Variants in DDR1 observed in about 807,000 individuals in gnomAD.
DDR1 encodes the protein epithelial discoidin domain-containing receptor 1.
A neutral mutation model predicts 97.4 loss-of-function variants in DDR1; 64 were observed. The ratio of observed to expected loss-of-function variants is 0.66; its 90% CI spans 0.54 to 0.81. The LOEUF (loss-of-function observed/expected upper bound fraction) is 0.81. Among genes scored for constraint, DDR1 ranks in the 30% least tolerant of loss-of-function variants. DDR1 has a pLI of 0.00. For missense variants in DDR1, 990 were observed against 1,259.6 expected (o/e 0.79, Z 3.24); for synonymous variants, 458 against 503.7 (o/e 0.91, Z 1.21).
Position 30,897,558 on chromosome 6 carries a change from C to A in DDR1, c.2177C>A (p.Ala726Asp). 3 of 1,613,452 alleles carry A rather than the reference C, an allele frequency of 1.9e-6. No individual in the cohort carries two copies. The highest frequency in any genetic ancestry group is 2.5e-6 in the Non-Finnish European group (3 of 1,179,972). Residue 726 changes from alanine (A) to aspartate (D), a missense_variant, in exon 15 of 18, where the codon GCC (alanine) becomes GAC (aspartate). Ala to Asp is a moderately radical substitution (Grantham distance 126). Coordinates refer to ENST00000376568, the MANE Select transcript of DDR1 (RefSeq NM_001297654.2). The surrounding 1 kb of genome is among the most constrained non-coding windows in gnomAD (Gnocchi z 5.2). ...HQLEDKAAEG[A>D]PGDGQAAQGP... ...CTGGAGGACAAGGCAGCCGAGGGGG[C>A]CCCTGGGGACGGGCAGGCTGCGCAG...
upstream of DDR1, chr6:30,884,350 C>G (rs1418708671): frequency 1.7e-5 from 2 of 115,294 alleles, no homozygotes; most frequent in Non-Finnish European, 3.5e-5. This position sits in a 1 kb window ranked among gnomAD's most constrained non-coding sequence, Gnocchi z 6.1. Context: ...CGGCGCCGGG[C>G]GTGGGAGCCA....
Position 30,892,656 on chromosome 6 carries a change from A to G in DDR1, c.1099+114A>G, listed in dbSNP as rs1788960999. On this transcript the variant is annotated intron_variant, in intron 8 of 17. Transcript: ENST00000376568. Reference sequence around the variant, plus strand: ...CTTGCATTATATCTACCCATCACCCACCGAAACTTCTCAATTAGGGGTGCC... The same window carrying G: ...CTTGCATTATATCTACCCATCACCCGCCGAAACTTCTCAATTAGGGGTGCC... The G allele has an allele frequency of 4.3e-6, 6 of 1,396,690 alleles. No homozygotes were observed. In the East Asian group the frequency reaches 1.2e-4, roughly 28 times the overall value. The allele number at this position is 1,396,690 out of a possible 1,614,324, so 86.5% of individuals were successfully genotyped here. A position where few individuals can be genotyped will look rare whatever the true frequency, so the allele number is the denominator to read the frequency against.
chr6:30,898,898 C>A lies in DDR1; in HGVS notation c.2462C>A (p.Thr821Lys). The change falls in exon 17 of 18, where the codon ACG (threonine) becomes AAG (lysine). Residue 821 changes from threonine (T) to lysine (K), a missense_variant. Thr to Lys is a moderately conservative substitution (Grantham distance 78, BLOSUM62 -1). Transcript: ENST00000376568. ...TTCTCTGCATCCCAGGGGAAGTTCA[C>A]GACTGCGAGTGACGTGTGGGCCTTT... ...AWECILMGKF[T>K]TASDVWAFGV... 6.2e-7 allele frequency: 1 copy of A among 1,606,430 alleles called. No individual in the cohort carries two copies. Among genetic ancestry groups the A allele is most frequent in the Non-Finnish European group, 8.5e-7 (1 of 1,173,900 alleles).
At position 30,892,556 on chromosome 6, in the gene DDR1, T is replaced by C. The variant is rs775047864; in HGVS notation, c.1099+14T>C. On this transcript the variant is annotated intron_variant, in intron 8 of 17. Coordinates refer to ENST00000376568, the MANE Select transcript of DDR1 (RefSeq NM_001297654.2). The stretch of plus-strand genomic sequence containing the variant: ...CCTTCATCTCTGGTAAGCCCTGGAG[T>C]AGCCCAGTCTCCAGTCCCTGAAATT... 6.4e-6 allele frequency: 10 copies of C among 1,554,876 alleles called. No homozygotes were observed. In the African/African-American group the frequency reaches 6.8e-5, roughly 11 times the overall value.
At chr6:30,895,332 C>A in intron 11 of DDR1, 72 bp from the exon 12 acceptor site, 3 of 1,177,734 alleles carry the variant, frequency 2.5e-6, no homozygotes, top group Non-Finnish European at 3.7e-6. Flanking sequence ...TTGCCCTATT[C>A]AAGGTCTCCC....
chr6:30,896,654 C>T lies in DDR1; in HGVS notation c.1658C>T (p.Pro553Leu). Residue 553 changes from proline to leucine, a missense_variant, in exon 13 of 18, where the codon CCA becomes CTA. Pro to Leu is a moderately conservative substitution (Grantham distance 98). Coordinates refer to ENST00000376568, the MANE Select transcript of DDR1 (RefSeq NM_001297654.2). ...GGGGACTATATGGAGCCTGAGAAGC[C>T]AGGCGCCCCGCTTCTGCCCCCACCT... Reference protein sequence around the residue: ...YSGDYMEPEKPGAPLLPPPPQ... With the variant: ...YSGDYMEPEKLGAPLLPPPPQ... The T allele has an allele frequency of 6.2e-7, 1 of 1,613,582 alleles. No homozygotes were observed. Among genetic ancestry groups the T allele is most frequent in the African/African-American group, 1.3e-5 (1 of 75,012 alleles).
chr6:30,886,045 A>G lies in DDR1; in HGVS notation c.-43+1335A>G, dbSNP rs575698021. Among the ~76,000 whole-genome samples the G allele has an allele frequency of 1.3e-5, 2 of 152,178 alleles. No individual in the cohort carries two copies. The highest frequency in any genetic ancestry group is 6.5e-5 in the Admixed American group (1 of 15,288). ...TGGACTGAAGACCCAGTGGAGAGAG[A>G]TGAGGTGACTGGGGGTGTTGGAGAA... On this transcript the variant is annotated intron_variant, in intron 1 of 17. Transcript: ENST00000376568. The surrounding 1 kb of genome is among the most constrained non-coding windows in gnomAD (Gnocchi z 4.6).
Position 30,894,768 on chromosome 6 carries a change from T to C in DDR1, c.1513+97T>C. On this transcript the variant is annotated intron_variant, in intron 11 of 17. Transcript: ENST00000376568. The surrounding 1 kb of genome is among the most constrained non-coding windows in gnomAD (Gnocchi z 5.7). ...TCTTTTTTTCCTGTCTTCCCCAGTT[T>C]CCACTTGTTTTCTTCTTTCTGTGCC... 2 of 1,356,068 alleles carry C rather than the reference T, an allele frequency of 1.5e-6. No individual in the cohort carries two copies. Among genetic ancestry groups the C allele is most frequent in the South Asian group, 1.5e-5 (1 of 66,162 alleles). The allele number at this position is 1,356,068 out of a possible 1,614,324, so 84.0% of individuals were successfully genotyped here.
Position 30,898,118 on chromosome 6 carries a change from G to A in DDR1, c.2262G>A (p.Met754Ile). Residue 754 changes from methionine to isoleucine, a missense_variant, in exon 16 of 18, where the codon ATG (methionine) becomes ATA (isoleucine). Met to Ile is a conservative substitution (Grantham distance 10). Coordinates refer to ENST00000376568, the MANE Select transcript of DDR1 (RefSeq NM_001297654.2). ...LHVAAQIASG[M>I]RYLATLNFVH... ...TGGCAGCCCAGATCGCCTCCGGCAT[G>A]CGCTATCTGGCCACACTCAACTTTG... is the stretch of plus-strand genomic sequence containing the variant. The A allele has an allele frequency of 6.2e-7, 1 of 1,614,272 alleles. No individual in the cohort carries two copies. Among genetic ancestry groups the A allele is most frequent in the Non-Finnish European group, 8.5e-7 (1 of 1,180,046 alleles).
In DDR1 at chr6:30,889,306, C is replaced by T; in HGVS notation, c.293C>T (p.Ala98Val). The change falls in exon 4 of 18, where the codon GCT becomes GTT. Residue 98 changes from alanine to valine, a missense_variant. Transcript: ENST00000376568. This position sits in a 1 kb window ranked among gnomAD's most constrained non-coding sequence, Gnocchi z 4.9. ...GATCTACAACGACTGCACCTGGTGG[C>T]TCTGGTGGGCACCCAGGGACGGCAT... ...QVDLQRLHLV[A>V]LVGTQGRHAG... The T allele has an allele frequency of 5.6e-6, 9 of 1,612,920 alleles. No individual in the cohort carries two copies. Among genetic ancestry groups the T allele is most frequent in the Non-Finnish European group, 7.6e-6 (9 of 1,179,972 alleles).
chr6:30,895,383 CCCT>C lies in DDR1; in HGVS notation c.1514-14_1514-12del. 2.5e-6 allele frequency: 4 copies of C among 1,588,462 alleles called. No individual in the cohort carries two copies. The highest frequency in any genetic ancestry group is 3.4e-6 in the Non-Finnish European group (4 of 1,162,536). On this transcript the variant is annotated intron_variant, in intron 11 of 17. Coordinates refer to ENST00000376568, the MANE Select transcript of DDR1 (RefSeq NM_001297654.2). ...GAGTCTCATCCCTTCCCCGTGTTTC[CCCT>C]CCTCCTTCTCCCGACAGCGTTGCTG...
Position 30,899,576 on chromosome 6 carries a change from T to G in DDR1, c.*280T>G. Reference sequence around the variant, plus strand: ...GGATGGGATCCTCTCCACCCTCCTCTAGCCATCCCTTGGGGAAGGGTGGGG... The same window carrying G: ...GGATGGGATCCTCTCCACCCTCCTCGAGCCATCCCTTGGGGAAGGGTGGGG... On this transcript the variant is annotated 3_prime_UTR_variant, in exon 18 of 18. Coordinates refer to ENST00000376568, the MANE Select transcript of DDR1 (RefSeq NM_001297654.2). 1 of 516,504 alleles carries G rather than the reference T, an allele frequency of 1.9e-6. No individual in the cohort carries two copies. The highest frequency in any genetic ancestry group is 3.4e-6 in the Non-Finnish European group (1 of 291,846). The allele number at this position is 516,504 out of a possible 1,614,324, so 32.0% of individuals were successfully genotyped here.
rs1272168036 is a variant in DDR1 at position 30,896,675 on chromosome 6, C to T, written c.1679C>T (p.Pro560Leu). 6 of 1,613,120 alleles carry T rather than the reference C, an allele frequency of 3.7e-6. No homozygotes were observed. The highest frequency in any genetic ancestry group is 1.3e-5 in the African/African-American group (1 of 74,868). The change falls in exon 13 of 18, where the codon CCA (proline) becomes CTA (leucine). Residue 560 changes from proline to leucine, a missense_variant. Physicochemically the swap from Pro to Leu is moderately conservative, Grantham distance 98. Transcript: ENST00000376568. The stretch of plus-strand genomic sequence containing the variant: ...AAGCCAGGCGCCCCGCTTCTGCCCC[C>T]ACCTCCCCAGAACAGCGTCCCCCAT... ...PEKPGAPLLP[P>L]PPQNSVPHYA...
In DDR1 at chr6:30,886,223, C is replaced by G. The variant is rs1193286647; in HGVS notation, c.-43+1513C>G. On this transcript the variant is annotated intron_variant, in intron 1 of 17. Transcript: ENST00000376568. The surrounding 1 kb of genome is among the most constrained non-coding windows in gnomAD (Gnocchi z 4.6). ...TCTGCCTGCCTTTGTATCTCTGCCCCGGGCTCCTCTCGGCTCTGTGTGGCT... is the reference window on the plus strand; with the variant it reads ...TCTGCCTGCCTTTGTATCTCTGCCCGGGGCTCCTCTCGGCTCTGTGTGGCT... Among the ~76,000 whole-genome samples the G allele has an allele frequency of 6.6e-6, 1 of 152,070 alleles. No individual in the cohort carries two copies. The highest frequency in any genetic ancestry group is 1.5e-5 in the Non-Finnish European group (1 of 68,014).
rs532226669 is a variant in DDR1, at chr6:30,893,475, C to T, written c.1347+52C>T. 2.5e-4 allele frequency: 388 copies of T among 1,555,812 alleles called. 2 individuals are homozygous for T. In the African/African-American group the frequency reaches 3.8e-3, roughly 15 times the overall value. ...GGCGGGGGGAGGCCAGGCCCCAGCA[C>T]GAGCCAGCGTCCAGTGGGACCTGCA... On this transcript the variant is annotated intron_variant, in intron 10 of 17. Transcript: ENST00000376568.
intron 1 of DDR1, among the ~76,000 whole-genome samples, chr6:30,887,578 T>C (rs753098277): frequency 1.3e-5 from 2 of 152,216 alleles, no homozygotes; most frequent in Non-Finnish European, 2.9e-5. Context: ...TCAACAGATA[T>C]ACATGGAAAT....
At chr6:30,885,249 G>C in intron 1 of DDR1, 1 of 1,532,634 alleles carries the variant, frequency 6.5e-7, no homozygotes, top group Non-Finnish European at 8.7e-7. Context: ...CCAGCTTCAG[G>C]GTCCCACCCC....
chr6:30,899,573 C>A lies in DDR1; in HGVS notation c.*277C>A. 1 of 530,828 alleles carries A rather than the reference C, an allele frequency of 1.9e-6. No individual in the cohort carries two copies. The highest frequency in any genetic ancestry group is 3.3e-6 in the Non-Finnish European group (1 of 300,610). 32.9% of individuals were successfully genotyped at this position (530,828 alleles called of 1,614,324 possible). ...TGTGGATGGGATCCTCTCCACCCTCCTCTAGCCATCCCTTGGGGAAGGGTG... is the reference window on the plus strand; with the variant it reads ...TGTGGATGGGATCCTCTCCACCCTCATCTAGCCATCCCTTGGGGAAGGGTG... On this transcript the variant is annotated 3_prime_UTR_variant, in exon 18 of 18. Coordinates refer to ENST00000376568, the MANE Select transcript of DDR1 (RefSeq NM_001297654.2).
At position 30,890,601 on chromosome 6, in the gene DDR1, A is replaced by G; in HGVS notation, c.418-372A>G. On this transcript the variant is annotated intron_variant, in intron 4 of 17. Coordinates refer to ENST00000376568, the MANE Select transcript of DDR1 (RefSeq NM_001297654.2). The surrounding 1 kb of genome is among the most constrained non-coding windows in gnomAD (Gnocchi z 5.0). Reference sequence around the variant, plus strand: ...CGGGCACTCAGCCAACTTCTGCTGAATGAACAGAGGGAATGGGCTGAAATG... The same window carrying G: ...CGGGCACTCAGCCAACTTCTGCTGAGTGAACAGAGGGAATGGGCTGAAATG... 4.7e-6 allele frequency: 1 copy of G among 211,184 alleles called. No homozygotes were observed. The highest frequency in any genetic ancestry group is 9.3e-6 in the Non-Finnish European group (1 of 107,546). 13.1% of individuals were successfully genotyped at this position (211,184 alleles called of 1,614,324 possible).
Sources: allele counts gnomAD v4.1 joint callset (sites outside exome capture counted in the v4.1 genomes callset), GRCh38; gene constraint gnomAD v4.1.1; non-coding constraint Gnocchi (gnomAD v3.1); transcripts MANE v1.5; gene names NCBI Gene and HGNC (gene_info 2026-07-23, HGNC 2026-07-21).